Variants in FREM2 observed in about 807,000 individuals in gnomAD.
The protein encoded by FREM2 is FRAS1-related extracellular matrix protein 2.
Under a neutral mutation model 219.9 loss-of-function variants are expected in FREM2, and 119 were observed. That is an observed-to-expected ratio of 0.54 (90% CI 0.47 to 0.63). The LOEUF (loss-of-function observed/expected upper bound fraction) is 0.63. Ranked by LOEUF, FREM2 falls within the 30% of genes least tolerant of loss-of-function variation. The pLI, the probability that FREM2 is intolerant of heterozygous loss-of-function variation, is 0.00. For missense variants in FREM2, 4,030 were observed against 3,993.6 expected (o/e 1.01, Z -0.25); for synonymous variants, 1,562 against 1,522.8 (o/e 1.03, Z -0.60).
At chr13:38,759,418 G>A (rs1377729182) in intron 2 of FREM2, among the ~76,000 whole-genome samples, 1 of 151,320 alleles carries the variant, frequency 6.6e-6, no homozygotes, top group East Asian at 1.9e-4. Context: ...TTTTAGGGAG[G>A]GCTAATTGGA....
intron 2 of FREM2, among the ~76,000 whole-genome samples, chr13:38,740,362 A>G (rs1253019614): frequency 6.6e-6 from 1 of 152,192 alleles, no homozygotes; most frequent in East Asian, 1.9e-4. Context: ...GTGATAGTAA[A>G]CTGAGATTTT....
At chr13:38,724,918 A>G (rs1871452691) in intron 2 of FREM2, among the ~76,000 whole-genome samples, 1 of 152,226 alleles carries the variant, frequency 6.6e-6, no homozygotes, top group Non-Finnish European at 1.5e-5. Context: ...AGGAAGTTGT[A>G]TGATAAACAT....
At chr13:38,740,378 A>G (rs1872194505) in intron 2 of FREM2, among the ~76,000 whole-genome samples, 1 of 152,216 alleles carries the variant, frequency 6.6e-6, no homozygotes, top group Non-Finnish European at 1.5e-5. Context: ...ATTTTTGAAC[A>G]TGCACATCTT....
At chr13:38,874,308 T>G (rs1032789013) in intron 17 of FREM2, among the ~76,000 whole-genome samples, 174 bp from the exon 18 acceptor site, 6 of 152,184 alleles carry the variant, frequency 3.9e-5, no homozygotes, top group African/African-American at 1.4e-4. Flanking sequence ...CCTTTTCTGC[T>G]TAGAAAAGAA....
At chr13:38,809,810 C>G (rs1025413929) in intron 6 of FREM2, among the ~76,000 whole-genome samples, 2 of 151,980 alleles carry the variant, frequency 1.3e-5, no homozygotes, top group Non-Finnish European at 2.9e-5. Context: ...TTTAGCTATT[C>G]TGGGTCTTTT....
chr13:38,874,472 C>A lies in FREM2; in HGVS notation c.8177-10C>A. 4 of 1,607,838 alleles carry A rather than the reference C, an allele frequency of 2.5e-6. No homozygotes were observed. The South Asian group carries it at 4.4e-5, about 18-fold the overall frequency. The stretch of plus-strand genomic sequence containing the variant: ...ATATATTTTCATTCTTGGTACTCTC[C>A]CCATTATAGGTTCTCTCTATCCAAC... On this transcript the variant is annotated splice_polypyrimidine_tract_variant and intron_variant, in intron 17 of 23. Transcript: ENST00000280481.
intron 6 of FREM2, among the ~76,000 whole-genome samples, chr13:38,840,881 G>A (rs950693803): frequency 2.0e-5 from 3 of 152,044 alleles, no homozygotes; most frequent in African/African-American, 7.2e-5. Flanking sequence ...TCCTTTGTAT[G>A]CATCTTTGAA....
rs1020232903 is a variant in FREM2 at position 38,809,332 on chromosome 13, G to A, written c.6019+24524G>A. On this transcript the variant is annotated intron_variant, in intron 6 of 23. Coordinates refer to ENST00000280481, the MANE Select transcript of FREM2 (RefSeq NM_207361.6). Reference sequence around the variant, plus strand: ...TTTTTTTTTAAATTTTTGCAGGTACGTAGTAGGTGTATATATTTTTGTTTT... The same window carrying A: ...TTTTTTTTTAAATTTTTGCAGGTACATAGTAGGTGTATATATTTTTGTTTT... Among the ~76,000 whole-genome samples, 10 of 151,144 alleles carry A rather than the reference G, an allele frequency of 6.6e-5. No individual in the cohort carries two copies. The East Asian group carries it at 7.8e-4, about 12-fold the overall frequency.
intron 16 of FREM2, among the ~76,000 whole-genome samples, chr13:38,866,982 T>C (rs1297811927): frequency 6.6e-6 from 1 of 152,242 alleles, no homozygotes; most frequent in Non-Finnish European, 1.5e-5. Context: ...TTAGATCAGC[T>C]AAAGTGACTA....
chr13:38,871,380 G>A (rs1945512), intron 16 of FREM2, among the ~76,000 whole-genome samples: 48,812 of 152,048 alleles, frequency 0.32, 8,622 homozygotes, highest in East Asian at 0.46. Context: ...TAATCAGACA[G>A]CCTGACTCAA....
intron 2 of FREM2, among the ~76,000 whole-genome samples, chr13:38,749,819 C>G (rs1237599487): frequency 6.6e-6 from 1 of 152,226 alleles, no homozygotes; most frequent in Non-Finnish European, 1.5e-5. Context: ...AATGTATTCA[C>G]TTTCCAAGTC....
At chr13:38,746,218 T>C (rs922317527) in intron 2 of FREM2, among the ~76,000 whole-genome samples, 2 of 152,200 alleles carry the variant, frequency 1.3e-5, no homozygotes, top group African/African-American at 2.4e-5. Context: ...TTTTTCTGCA[T>C]AACAACATCT....
At chr13:38,858,203 T>C (rs77501548) in intron 13 of FREM2, among the ~76,000 whole-genome samples, 170 bp downstream of exon 13, 2,742 of 152,348 alleles carry the variant, frequency 0.018, 22 homozygotes, top group South Asian at 0.035. Flanking sequence ...CTCCCATTTT[T>C]CTTTCTTCAC....
chr13:38,867,771 G>A (rs1398645672), intron 16 of FREM2, among the ~76,000 whole-genome samples: 5 of 152,226 alleles, frequency 3.3e-5, no homozygotes, highest in Non-Finnish European at 5.9e-5. Context: ...CTCCGAGAAA[G>A]AGAGAGAGAT....
chr13:38,740,493 A>T (rs1482591978), intron 2 of FREM2, among the ~76,000 whole-genome samples: 1 of 152,214 alleles, frequency 6.6e-6, no homozygotes, highest in African/African-American at 2.4e-5. Context: ...TAGTAGATGA[A>T]TTTAATGATC....
chr13:38,740,283 C>A (rs1343391169), intron 2 of FREM2, among the ~76,000 whole-genome samples: 1 of 152,152 alleles, frequency 6.6e-6, no homozygotes. Context: ...ACTGTATTTT[C>A]ATGTTCGAGA....
chr13:38,801,846 A>G (rs1357463460), intron 6 of FREM2, among the ~76,000 whole-genome samples: 1 of 152,150 alleles, frequency 6.6e-6, no homozygotes, highest in African/African-American at 2.4e-5. Context: ...TATCAGTGGC[A>G]GTGGTAGGCC....
At chr13:38,750,225 T>G (rs1451638879) in intron 2 of FREM2, among the ~76,000 whole-genome samples, 1 of 152,150 alleles carries the variant, frequency 6.6e-6, no homozygotes. Flanking sequence ...CTTCCATAAT[T>G]CCCACGTGTT....
At chr13:38,764,905 G>C (rs756389172) in intron 3 of FREM2, among the ~76,000 whole-genome samples, 1 of 152,130 alleles carries the variant, frequency 6.6e-6, no homozygotes, top group Non-Finnish European at 1.5e-5. Flanking sequence ...TCCAATTCAA[G>C]TTCATATTTG....
Sources: allele counts gnomAD v4.1 joint callset (sites outside exome capture counted in the v4.1 genomes callset), GRCh38; gene constraint gnomAD v4.1.1; transcripts MANE v1.5; gene names NCBI Gene and HGNC (gene_info 2026-07-23, HGNC 2026-07-21).